Variants in CHSY1 observed in about 807,000 individuals in gnomAD.
The protein encoded by CHSY1 is N-acetylgalactosaminyl-proteoglycan 3-beta-glucuronosyltransferase 1.
A neutral mutation model predicts 59.8 loss-of-function variants in CHSY1; 13 were observed. That is an observed-to-expected ratio of 0.22 (90% CI 0.14 to 0.35). CHSY1 has a LOEUF of 0.35. CHSY1 is among the 10% of genes least tolerant of loss of function. The probability of loss-of-function intolerance (pLI) is 1.00; values close to 1 mark genes in which losing one functional copy is unlikely to be tolerated. For synonymous variants in CHSY1, 459 were observed against 401.2 expected, an observed-to-expected ratio of 1.14 and a Z score of -1.72; for missense variants, 947 against 1,030.6, an observed-to-expected ratio of 0.92 and a Z score of 1.11.
chr15:101,203,304 C>A (rs1258670004), intron 2 of CHSY1, among the ~76,000 whole-genome samples: 1 of 152,140 alleles, frequency 6.6e-6, no homozygotes. Flanking sequence ...CAGGTCAAGG[C>A]CACACATCCA....
chr15:101,193,289 G>A (rs952608583), intron 2 of CHSY1, among the ~76,000 whole-genome samples: 1 of 152,248 alleles, frequency 6.6e-6, no homozygotes, highest in Non-Finnish European at 1.5e-5. Context: ...ACAGCAGCGA[G>A]GGCAGGGCTG....
intron 2 of CHSY1, among the ~76,000 whole-genome samples, chr15:101,206,767 G>A (rs969398240): frequency 6.6e-6 from 1 of 152,202 alleles, no homozygotes; most frequent in Admixed American, 6.5e-5. Flanking sequence ...GGCAGAGAGA[G>A]TGAACAAATA....
rs567175584 is a variant in CHSY1, at chr15:101,191,628, G to C, written c.817-12648C>G. Among the ~76,000 whole-genome samples, 3 of 152,310 alleles carry C rather than the reference G, an allele frequency of 2.0e-5. No homozygotes were observed. The South Asian group carries it at 6.2e-4, about 32-fold the overall frequency. On this transcript the variant is annotated intron_variant, in intron 2 of 2. Coordinates refer to ENST00000254190, the MANE Select transcript of CHSY1 (RefSeq NM_014918.5). ...ATTGTAACAAAGGTACCACCACTCT[G>C]GTACAAGGTGTCCATATTGGGGGAG...
intron 2 of CHSY1, among the ~76,000 whole-genome samples, chr15:101,234,824 G>A (rs913441900): frequency 4.6e-5 from 7 of 152,142 alleles, no homozygotes; most frequent in African/African-American, 1.4e-4. Context: ...CCGAGATGGC[G>A]CCACTGCACT....
intron 1 of CHSY1, among the ~76,000 whole-genome samples, chr15:101,250,480 T>C (rs886125439): frequency 6.6e-6 from 1 of 152,210 alleles, no homozygotes; most frequent in Non-Finnish European, 1.5e-5. Context: ...AGTTACTGGA[T>C]AACATGCATA....
At chr15:101,234,810 T>C (rs534478210) in intron 2 of CHSY1, among the ~76,000 whole-genome samples, 27 of 152,154 alleles carry the variant, frequency 1.8e-4, no homozygotes, top group Admixed American at 1.4e-3. Flanking sequence ...GAGGTTAAAG[T>C]GAGCCGAGAT....
chr15:101,206,920 C>T (rs2038632851), intron 2 of CHSY1, among the ~76,000 whole-genome samples: 1 of 152,196 alleles, frequency 6.6e-6, no homozygotes, highest in African/African-American at 2.4e-5. Context: ...AAGTCTCTCT[C>T]CCAGACCTCA....
At chr15:101,193,700 C>A (rs944941291) in intron 2 of CHSY1, among the ~76,000 whole-genome samples, 31 of 152,218 alleles carry the variant, frequency 2.0e-4, no homozygotes, top group African/African-American at 7.2e-4. Flanking sequence ...TCAGATAATG[C>A]ATAAGAGTAA....
chr15:101,184,428 T>C lies in CHSY1; in HGVS notation c.817-5448A>G, dbSNP rs201314685. Among the ~76,000 whole-genome samples the C allele has an allele frequency of 4.6e-5, 7 of 152,028 alleles. No individual in the cohort carries two copies. The East Asian group carries it at 1.4e-3, about 29-fold the overall frequency. ...CAGGGTCTCCTTCTGTCATCCAGGC[T>C]GGAGTGCAGTGGTGTGATCTCAGCT... is the stretch of plus-strand genomic sequence containing the variant. On this transcript the variant is annotated intron_variant, in intron 2 of 2. Transcript: ENST00000254190.
At chr15:101,220,593 C>T (rs1257106508) in intron 2 of CHSY1, among the ~76,000 whole-genome samples, 1 of 152,206 alleles carries the variant, frequency 6.6e-6, no homozygotes, top group Admixed American at 6.5e-5. Flanking sequence ...AACCTCCCTG[C>T]TGCAACTCTG....
At chr15:101,215,256 T>G (rs571439687) in intron 2 of CHSY1, among the ~76,000 whole-genome samples, 1 of 152,202 alleles carries the variant, frequency 6.6e-6, no homozygotes, top group African/African-American at 2.4e-5. Context: ...AGATAAAGAC[T>G]GTAAGTTACA....
Position 101,178,529 on chromosome 15 carries a change from C to T in CHSY1, c.1268G>A (p.Arg423Lys). 1 of 1,614,262 alleles carries T rather than the reference C, an allele frequency of 6.2e-7. No homozygotes were observed. The highest frequency in any genetic ancestry group is 1.1e-5 in the South Asian group (1 of 91,092). Reference protein sequence around the residue: ...MEMINANAKTRGRIIDFKEIQ... With the variant: ...MEMINANAKTKGRIIDFKEIQ... ...CTCTTTGAAGTCAATGATGCGCCCT[C>T]TGGTCTTGGCGTTGGCATTGATCAT... Residue 423 changes from arginine (R) to lysine (K), a missense_variant, in exon 3 of 3, where the codon AGA becomes AAA. This residue lies in a region of CHSY1 where 602 missense variants were observed against 676.9 expected (regional missense o/e 0.89). Transcript: ENST00000254190.
intron 2 of CHSY1, among the ~76,000 whole-genome samples, chr15:101,227,464 TG>T (rs1299760736): frequency 3.3e-5 from 5 of 152,120 alleles, no homozygotes; most frequent in African/African-American, 1.2e-4. Context: ...ATACACGCAG[TG>T]TGTGGGGGGA....
chr15:101,207,865 G>A (rs551446153), intron 2 of CHSY1, among the ~76,000 whole-genome samples: 2 of 152,346 alleles, frequency 1.3e-5, no homozygotes, highest in Admixed American at 1.3e-4. Flanking sequence ...AAAGCCACTA[G>A]TGGGGTCAAG....
chr15:101,185,698 TC>T (rs1329525270), intron 2 of CHSY1, among the ~76,000 whole-genome samples: 5 of 116,056 alleles, frequency 4.3e-5, no homozygotes, highest in African/African-American at 1.9e-4. Context: ...CCTCGAAATA[TC>T]TTTTTTTTTT....
intron 1 of CHSY1, among the ~76,000 whole-genome samples, chr15:101,236,698 G>A (rs1452186575): frequency 6.6e-6 from 1 of 152,034 alleles, no homozygotes; most frequent in African/African-American, 2.4e-5. Context: ...GCTGGCGGGC[G>A]CCTGTAGTCC....
intron 1 of CHSY1, among the ~76,000 whole-genome samples, chr15:101,238,169 A>G (rs1169711703): frequency 6.6e-5 from 10 of 152,260 alleles, no homozygotes; most frequent in Admixed American, 4.6e-4. Flanking sequence ...TAAAATATAC[A>G]TAACATAAAA....
At chr15:101,205,959 A>G (rs2038622706) in intron 2 of CHSY1, among the ~76,000 whole-genome samples, 1 of 152,186 alleles carries the variant, frequency 6.6e-6, no homozygotes, top group Non-Finnish European at 1.5e-5. Context: ...CTCAAAAAAA[A>G]AAAAAGAAGA....
Position 101,213,790 on chromosome 15 carries a change from G to T in CHSY1, c.816+21292C>A, listed in dbSNP as rs533852858. 1.5e-4 allele frequency among the ~76,000 whole-genome samples: 23 copies of T among 152,296 alleles called. No homozygotes were observed. The South Asian group carries it at 4.8e-3, about 32-fold the overall frequency. Reference sequence around the variant, plus strand: ...ACAGAAGATACAGGTACGAAGAAAAGCAAACTCCCACATTACATATTTACA... The same window carrying T: ...ACAGAAGATACAGGTACGAAGAAAATCAAACTCCCACATTACATATTTACA... On this transcript the variant is annotated intron_variant, in intron 2 of 2. Transcript: ENST00000254190.
Sources: gnomAD v4.1 joint callset for allele counts (sites outside exome capture counted in the v4.1 genomes callset) on GRCh38, gnomAD v4.1.1 for gene constraint, gnomAD v4.1.1 regional missense constraint, MANE v1.5 for transcripts, NCBI Gene and HGNC (gene_info 2026-07-23, HGNC 2026-07-21) for gene names.